ZNF532: variants seen among roughly 807,000 people sequenced by gnomAD.
ZNF532 encodes the protein zinc finger protein 532.
A neutral mutation model predicts 89.3 loss-of-function variants in ZNF532; 22 were observed. The observed-to-expected ratio is 0.25, with a 90% CI of 0.18 to 0.35. ZNF532 has a LOEUF of 0.35. ZNF532 is among the 10% of genes least tolerant of loss of function. ZNF532 has a pLI of 1.00. For missense variants in ZNF532, 1,132 were observed against 1,643.4 expected, an observed-to-expected ratio of 0.69 and a Z score of 5.38; for synonymous variants, 606 against 649.6, an observed-to-expected ratio of 0.93 and a Z score of 1.02.
At position 58,984,518 on chromosome 18, in the gene ZNF532, A is replaced by G. The variant is rs1250960918; in HGVS notation, c.*52A>G. The G allele has an allele frequency of 7.1e-6, 11 of 1,557,626 alleles. No individual in the cohort carries two copies. In the African/African-American group the frequency reaches 8.2e-5, roughly 12 times the overall value. On this transcript the variant is annotated 3_prime_UTR_variant, in exon 10 of 10. Coordinates refer to ENST00000591808, the MANE Select transcript of ZNF532 (RefSeq NM_001375912.1). Reference sequence around the variant, plus strand: ...CTGTCCACATTGGAATAAAAAAGACATTTTTGTTACAAAGTTTGCAGTATA... The same window carrying G: ...CTGTCCACATTGGAATAAAAAAGACGTTTTTGTTACAAAGTTTGCAGTATA...
In ZNF532 at chr18:58,870,621, T is replaced by C. The variant is rs1458136973; in HGVS notation, c.-18+5042T>C. 4.0e-5 allele frequency among the ~76,000 whole-genome samples: 6 copies of C among 151,358 alleles called. No individual in the cohort carries two copies. In the East Asian group the frequency reaches 1.2e-3, roughly 29 times the overall value. On this transcript the variant is annotated intron_variant, in intron 2 of 9. Transcript: ENST00000591808. Reference sequence around the variant, plus strand: ...AGGTCCTGTGGCAGCCCCATGGAGGTTGGAATAGAGGCTGTACAGGCTGGA... The same window carrying C: ...AGGTCCTGTGGCAGCCCCATGGAGGCTGGAATAGAGGCTGTACAGGCTGGA...
At chr18:58,879,178 A>G (rs1215788794) in intron 2 of ZNF532, among the ~76,000 whole-genome samples, 2 of 152,096 alleles carry the variant, frequency 1.3e-5, no homozygotes, top group African/African-American at 2.4e-5. Context: ...TAGGAGCCAT[A>G]GAGGCAAATC....
chr18:58,932,120 A>T (rs2062015710), intron 3 of ZNF532, among the ~76,000 whole-genome samples: 1 of 152,086 alleles, frequency 6.6e-6, no homozygotes, highest in Admixed American at 6.6e-5. Context: ...ATTTTCTCCC[A>T]CTTCAGGAAT....
intron 3 of ZNF532, chr18:58,931,507 T>C (rs2061962111): frequency 6.6e-6 from 1 of 152,184 alleles, no homozygotes; most frequent in South Asian, 2.1e-4. Context: ...ATGACAAGTT[T>C]TCTGTAACAG....
At chr18:58,967,481 T>G (rs1481288631) in intron 7 of ZNF532, among the ~76,000 whole-genome samples, 1 of 152,218 alleles carries the variant, frequency 6.6e-6, no homozygotes, top group African/African-American at 2.4e-5. Context: ...TACCTTTCCT[T>G]GCTGCATTGC....
chr18:58,931,227 T>A (rs1459852136), intron 3 of ZNF532, among the ~76,000 whole-genome samples: 1 of 152,236 alleles, frequency 6.6e-6, no homozygotes, highest in Non-Finnish European at 1.5e-5. Flanking sequence ...ACTGTCACAT[T>A]AAACTGCTTT....
intron 5 of ZNF532, among the ~76,000 whole-genome samples, chr18:58,942,172 A>G (rs151309856): frequency 0.064 from 9,548 of 149,560 alleles, 934 homozygotes; most frequent in African/African-American, 0.21. Flanking sequence ...ACAGGCGCCC[A>G]CCACCACGCC....
At chr18:58,954,438 C>A (rs956826040) in intron 7 of ZNF532, 1 of 211,210 alleles carries the variant, frequency 4.7e-6, no homozygotes, top group Non-Finnish European at 8.2e-6. Flanking sequence ...GTATTAAATA[C>A]AATATTAGGC....
chr18:58,930,429 C>G (rs1290596652), intron 3 of ZNF532, among the ~76,000 whole-genome samples: 2 of 152,054 alleles, frequency 1.3e-5, no homozygotes, highest in Non-Finnish European at 2.9e-5. Flanking sequence ...GAGTTCGAGA[C>G]CAGCCTGGGC....
At chr18:58,895,749 C>A (rs1333344477) in intron 2 of ZNF532, among the ~76,000 whole-genome samples, 2 of 152,298 alleles carry the variant, frequency 1.3e-5, no homozygotes, top group African/African-American at 4.8e-5. Flanking sequence ...CTAAAGGTTG[C>A]TAGCCTGTTG....
intron 7 of ZNF532, among the ~76,000 whole-genome samples, chr18:58,966,252 T>A (rs1306681546): frequency 1.3e-5 from 2 of 152,152 alleles, no homozygotes; most frequent in African/African-American, 2.4e-5. Flanking sequence ...AAGATGAGAT[T>A]GGAGAATAAT....
Position 58,984,368 on chromosome 18 carries a change from G to T in ZNF532, c.3808G>T (p.Ala1270Ser). 1 of 1,611,936 alleles carries T rather than the reference G, an allele frequency of 6.2e-7. No homozygotes were observed. Among genetic ancestry groups the T allele is most frequent in the South Asian group, 1.1e-5 (1 of 90,982 alleles). The part of the protein sequence containing the change: ...AVSDRKCKVC[A>S]KTFETEAALN... ...GTCAGACAGAAAGTGCAAAGTGTGC[G>T]CAAAAACTTTTGAAACTGAAGCTGC... Residue 1270 changes from alanine (A) to serine (S), a missense_variant, in exon 10 of 10, where the codon GCA becomes TCA. Coordinates refer to ENST00000591808, the MANE Select transcript of ZNF532 (RefSeq NM_001375912.1).
rs191450236 is a variant in ZNF532 at position 58,889,864 on chromosome 18, C to G, written c.-18+24285C>G. 8.0e-3 allele frequency among the ~76,000 whole-genome samples: 1,218 copies of G among 151,696 alleles called. 63 individuals carry two copies. The highest frequency in any genetic ancestry group is 0.07 in the Admixed American group (1,072 of 15,228). ...CTTTGGGAGGCCAAGGCAGGATCAC[C>G]TGAGGTCAGGAGTTTGAGACCAACC... On this transcript the variant is annotated intron_variant, in intron 2 of 9. Coordinates refer to ENST00000591808, the MANE Select transcript of ZNF532 (RefSeq NM_001375912.1).
intron 4 of ZNF532, among the ~76,000 whole-genome samples, chr18:58,938,539 C>G (rs1603240589): frequency 6.6e-6 from 1 of 152,250 alleles, no homozygotes; most frequent in East Asian, 1.9e-4. Context: ...GTAATTCATG[C>G]AATTTCTTAA....
chr18:58,970,162 G>A (rs2066330396), intron 7 of ZNF532, among the ~76,000 whole-genome samples: 1 of 152,118 alleles, frequency 6.6e-6, no homozygotes, highest in Non-Finnish European at 1.5e-5. Context: ...GGGATTACAG[G>A]CGTGAGCCGC....
chr18:58,983,570 G>T (rs967768060), intron 9 of ZNF532, among the ~76,000 whole-genome samples: 1 of 151,788 alleles, frequency 6.6e-6, no homozygotes, highest in Non-Finnish European at 1.5e-5. Flanking sequence ...GTCCCTGACC[G>T]TACCACATCA....
chr18:58,880,767 C>CT, intron 2 of ZNF532, among the ~76,000 whole-genome samples: 1 of 130,934 alleles, frequency 7.6e-6, no homozygotes, highest in South Asian at 2.9e-4. Context: ...CGCGCACGCG[C>CT]GCGCGTCTGT....
At chr18:58,912,638 C>G (rs1335451106) in intron 2 of ZNF532, among the ~76,000 whole-genome samples, 1 of 152,176 alleles carries the variant, frequency 6.6e-6, no homozygotes, top group Non-Finnish European at 1.5e-5. Flanking sequence ...TCGACTTAAT[C>G]AGGGTCTGAT....
Position 58,915,176 on chromosome 18 carries a change from C to T in ZNF532, c.-17-3095C>T, listed in dbSNP as rs187849979. ...GTATCCATTCCATTAGTTATACAAC[C>T]CCAGAGAGGGGAGTCCAGGCACCAC... On this transcript the variant is annotated intron_variant, in intron 2 of 9. Coordinates refer to ENST00000591808, the MANE Select transcript of ZNF532 (RefSeq NM_001375912.1). Among the ~76,000 whole-genome samples, 356 of 152,248 alleles carry T rather than the reference C, an allele frequency of 2.3e-3. 2 individuals carry two copies. The highest frequency in any genetic ancestry group is 7.7e-3 in the African/African-American group (321 of 41,556).
Sources: gnomAD v4.1 joint callset for allele counts (sites outside exome capture counted in the v4.1 genomes callset) on GRCh38, gnomAD v4.1.1 for gene constraint, MANE v1.5 for transcripts, NCBI Gene and HGNC (gene_info 2026-07-23, HGNC 2026-07-21) for gene names.